The following PRR12 variants were observed in gnomAD, a reference collection of about 807,000 sequenced individuals.
The protein encoded by PRR12 is proline rich 12.
Under a neutral mutation model 138.0 loss-of-function variants are expected in PRR12, and 12 were observed. That is an observed-to-expected ratio of 0.09 (90% CI 0.06 to 0.14). The LOEUF is 0.14. PRR12 is among the 10% of genes least tolerant of loss of function. PRR12 has a pLI of 1.00. For synonymous variants in PRR12, 1,567 were observed against 1,291.7 expected (o/e 1.21, Z -4.57); for missense variants, 2,692 against 2,861.3 (o/e 0.94, Z 1.35).
rs528530036 is a variant in PRR12, at chr19:49,609,008, G to A, written c.4774-5525G>A. On this transcript the variant is annotated intron_variant, in intron 6 of 13. Transcript: ENST00000418929. ...GGGCTGGGCAGCGTGTATACTCCAA[G>A]CATGTAAGAGTTCACTGGGTGGAGA... Among the ~76,000 whole-genome samples, 4 of 152,224 alleles carry A rather than the reference G, an allele frequency of 2.6e-5. No homozygotes were observed. The East Asian group carries it at 7.7e-4, about 29-fold the overall frequency.
Position 49,595,403 on chromosome 19 carries a change from T to C in PRR12, c.1068T>C (p.Ala356=), listed in dbSNP as rs998177726. Reference sequence around the variant, plus strand: ...AGGCTGGTCCCAGCGGAGCCACGGCTGGGGCATCTGGCCGGGCCACGGGCC... The same window carrying C: ...AGGCTGGTCCCAGCGGAGCCACGGCCGGGGCATCTGGCCGGGCCACGGGCC... The part of the protein sequence containing the change: ...PSKAGPSGAT[A]GASGRATGPE... Residue 356 remains alanine, a synonymous_variant, in exon 4 of 14, where the codon GCT becomes GCC. Coordinates refer to ENST00000418929, the MANE Select transcript of PRR12 (RefSeq NM_020719.3). 4 of 1,543,056 alleles carry C rather than the reference T, an allele frequency of 2.6e-6. No homozygotes were observed. Among genetic ancestry groups the C allele is most frequent in the Non-Finnish European group, 3.5e-6 (4 of 1,143,990 alleles).
intron 11 of PRR12, among the ~76,000 whole-genome samples, chr19:49,622,920 T>C (rs1167254372): frequency 4.7e-5 from 4 of 85,332 alleles, no homozygotes; most frequent in African/African-American, 1.7e-4. Flanking sequence ...TATATATATA[T>C]ATATATATAG....
chr19:49,622,928 T>TATAGAGAG (rs1320368074), intron 11 of PRR12, among the ~76,000 whole-genome samples: 4 of 77,758 alleles, frequency 5.1e-5, no homozygotes, highest in East Asian at 2.7e-4. Context: ...TATATATATA[T>TATAGAGAG]AGAGAGAGAG....
At chr19:49,592,638 C>G (rs993268606) in intron 1 of PRR12, among the ~76,000 whole-genome samples, 3 of 152,116 alleles carry the variant, frequency 2.0e-5, no homozygotes, top group African/African-American at 7.2e-5. Flanking sequence ...TGGGATTCCT[C>G]CGTCTATATC....
chr19:49,608,375 G>A (rs928317752), intron 6 of PRR12, among the ~76,000 whole-genome samples: 18 of 151,682 alleles, frequency 1.2e-4, no homozygotes, highest in African/African-American at 3.9e-4. Flanking sequence ...ATGGAGTCTC[G>A]CTCTGTCACC....
chr19:49,610,994 C>T (rs1479795326), intron 6 of PRR12, among the ~76,000 whole-genome samples: 2 of 151,676 alleles, frequency 1.3e-5, no homozygotes, highest in African/African-American at 4.8e-5. Context: ...AGGCATGCAC[C>T]ATCATGCCCG....
At chr19:49,605,553 C>T (rs974228552) in intron 6 of PRR12, among the ~76,000 whole-genome samples, 2 of 152,214 alleles carry the variant, frequency 1.3e-5, no homozygotes, top group East Asian at 3.9e-4. Context: ...TGAGCCACTG[C>T]GCCCAGCCAG....
chr19:49,604,956 A>T (rs764073178), intron 6 of PRR12, among the ~76,000 whole-genome samples: 1 of 152,008 alleles, frequency 6.6e-6, no homozygotes, highest in Non-Finnish European at 1.5e-5. Context: ...GGTTCAAGCA[A>T]TTCTCATAAC....
At chr19:49,607,754 C>T (rs2080846229) in intron 6 of PRR12, among the ~76,000 whole-genome samples, 1 of 151,372 alleles carries the variant, frequency 6.6e-6, no homozygotes, top group Non-Finnish European at 1.5e-5. Context: ...CGTGGTGGCT[C>T]ACGCCTGTAA....
intron 6 of PRR12, among the ~76,000 whole-genome samples, chr19:49,603,796 T>C (rs560722286): frequency 1.3e-5 from 2 of 152,266 alleles, no homozygotes; most frequent in South Asian, 2.1e-4. Flanking sequence ...TTATTAATTA[T>C]AAGGATAATA....
chr19:49,618,923 C>A (rs533362574), intron 9 of PRR12, among the ~76,000 whole-genome samples: 1 of 152,158 alleles, frequency 6.6e-6, no homozygotes, highest in Admixed American at 6.6e-5. Context: ...ACACTCACCC[C>A]TTCCCTGCTC....
chr19:49,600,420 A>G (rs747912050), intron 5 of PRR12, among the ~76,000 whole-genome samples: 1 of 151,768 alleles, frequency 6.6e-6, no homozygotes, highest in African/African-American at 2.4e-5. Flanking sequence ...GTAATGTCAG[A>G]AACAGAGGCA....
intron 11 of PRR12, among the ~76,000 whole-genome samples, chr19:49,621,929 G>A (rs762269170): frequency 4.6e-5 from 7 of 152,178 alleles, no homozygotes; most frequent in Non-Finnish European, 7.3e-5. Context: ...GCGGGCACTG[G>A]ACCGATGGCT....
At chr19:49,612,394 G>A (rs1450462781) in intron 6 of PRR12, among the ~76,000 whole-genome samples, 1 of 152,088 alleles carries the variant, frequency 6.6e-6, no homozygotes, top group East Asian at 1.9e-4. Context: ...GGCAGGATGG[G>A]TGGGGCTTGG....
chr19:49,615,986 G>T lies in PRR12; in HGVS notation c.5264G>T (p.Arg1755Leu), dbSNP rs975059799. 6.4e-7 allele frequency: 1 copy of T among 1,552,706 alleles called. No homozygotes were observed. The highest frequency in any genetic ancestry group is 1.4e-5 in the African/African-American group (1 of 73,166). ...GTGACACGTGGAGAGCGGCCATTGC[G>T]GGGTGAGCGGGCCACCAGCGGACGG... Reference protein sequence around the residue: ...EKVTRGERPLRGERATSGRQT... With the variant: ...EKVTRGERPLLGERATSGRQT... Residue 1755 changes from arginine to leucine, a missense_variant, in exon 9 of 14, where the codon CGG becomes CTG. By Grantham distance (102) the Arg-to-Leu change is moderately radical. This residue lies in a region of PRR12 where 259 missense variants were observed against 265.1 expected (regional missense o/e 0.98). Coordinates refer to ENST00000418929, the MANE Select transcript of PRR12 (RefSeq NM_020719.3).
chr19:49,614,546 C>T lies in PRR12; in HGVS notation c.4787C>T (p.Thr1596Met), dbSNP rs1205133526. The T allele has an allele frequency of 1.9e-6, 3 of 1,550,224 alleles. No individual in the cohort carries two copies. Among genetic ancestry groups the T allele is most frequent in the Non-Finnish European group, 2.6e-6 (3 of 1,146,988 alleles). ...CCTCCTCCTCAGCTGGCGTTGCAGACGGGGCGTGAACCCCCACCCATCTGG... is the reference window on the plus strand; with the variant it reads ...CCTCCTCCTCAGCTGGCGTTGCAGATGGGGCGTGAACCCCCACCCATCTGG... ...DIPSLKLALQ[T>M]GREPPPIWRV... The change falls in exon 7 of 14, where the codon ACG (threonine) becomes ATG (methionine). Residue 1596 changes from threonine to methionine, a missense_variant. By Grantham distance (81) the Thr-to-Met change is moderately conservative. Transcript: ENST00000418929. The surrounding 1 kb of genome is among the most constrained non-coding windows in gnomAD (Gnocchi z 5.0).
chr19:49,613,271 G>T (rs1216919158), intron 6 of PRR12, among the ~76,000 whole-genome samples: 1 of 148,466 alleles, frequency 6.7e-6, no homozygotes, highest in African/African-American at 2.5e-5. Flanking sequence ...GGAGGCGCAG[G>T]TTGCAGTGAG....
In PRR12 at chr19:49,597,336, G is replaced by A. The variant is rs773785039; in HGVS notation, c.3001G>A (p.Ala1001Thr). The A allele has an allele frequency of 4.2e-5, 65 of 1,542,422 alleles. No homozygotes were observed. Among genetic ancestry groups the A allele is most frequent in the Non-Finnish European group, 5.1e-5 (59 of 1,148,118 alleles). The change falls in exon 4 of 14, where the codon GCC becomes ACC. Residue 1001 changes from alanine (A) to threonine (T), a missense_variant. This residue lies in a region of PRR12 where 840 missense variants were observed against 689.8 expected (regional missense o/e 1.22). Coordinates refer to ENST00000418929, the MANE Select transcript of PRR12 (RefSeq NM_020719.3). This position sits in a 1 kb window ranked among gnomAD's most constrained non-coding sequence, Gnocchi z 6.3. Reference protein sequence around the residue: ...GPYCPGRASGAGPETPGLGLD... With the variant: ...GPYCPGRASGTGPETPGLGLD... ...CTACTGTCCTGGCCGGGCGTCGGGA[G>A]CCGGGCCCGAGACACCGGGCCTGGG...
intron 5 of PRR12, among the ~76,000 whole-genome samples, chr19:49,600,693 C>A (rs568288885): frequency 1.3e-4 from 19 of 151,668 alleles, no homozygotes; most frequent in African/African-American, 4.6e-4. Context: ...GACCCTATAA[C>A]GTTCTTTTTT....
Sources: gnomAD v4.1 joint callset for allele counts (sites outside exome capture counted in the v4.1 genomes callset) on GRCh38, gnomAD v4.1.1 for gene constraint, gnomAD v4.1.1 regional missense constraint, Gnocchi (gnomAD v3.1) non-coding constraint, MANE v1.5 for transcripts, NCBI Gene and HGNC (gene_info 2026-07-23, HGNC 2026-07-21) for gene names.